The following MUC4 variants were observed in gnomAD, a reference collection of about 807,000 sequenced individuals.
MUC4 encodes the protein mucin-4.
A neutral mutation model predicts 257.9 loss-of-function variants in MUC4; 202 were observed. The observed-to-expected ratio is 0.78, with a 90% CI of 0.70 to 0.88. The LOEUF (loss-of-function observed/expected upper bound fraction) is 0.88, where lower values mean the gene tolerates loss of function less well. Among genes scored for constraint, MUC4 ranks in the 40% least tolerant of loss-of-function variants. The pLI is 0.00. For missense variants in MUC4, 5,976 were observed against 6,513.7 expected (o/e 0.92, Z 2.84); for synonymous variants, 2,351 against 2,757.1 (o/e 0.85, Z 4.62).
rs748432606 is a variant in MUC4, at chr3:195,757,433, C to A, written c.14987-105G>T. 1.2e-4 allele frequency: 127 copies of A among 1,041,960 alleles called. No individual in the cohort carries two copies. Among genetic ancestry groups the A allele is most frequent in the Non-Finnish European group, 1.7e-4 (120 of 721,300 alleles). The allele number at this position is 1,041,960 out of a possible 1,614,324, so 64.5% of individuals were successfully genotyped here. ...CCACCCCTCTCAGGCCACCCTCCCC[C>A]TCCCCAGACAAATCTCATTGGTCAT... On this transcript the variant is annotated intron_variant, in intron 17 of 24. Coordinates refer to ENST00000463781, the MANE Select transcript of MUC4 (RefSeq NM_018406.7). The surrounding 1 kb of genome is among the most constrained non-coding windows in gnomAD (Gnocchi z 4.8).
rs765817476 is a variant in MUC4, at chr3:195,785,564, T to G, written c.6016A>C (p.Thr2006Pro). 844 of 1,366,836 alleles carry G rather than the reference T, an allele frequency of 6.2e-4. 170 individuals carry two copies. In the African/African-American group the frequency reaches 0.019, roughly 31 times the overall value. 84.7% of individuals were successfully genotyped at this position (1,366,836 alleles called of 1,614,324 possible). ...GCCTGTCCTGTAGATACTGAGGAAG[T>G]GTCGGTGACCGGAAGAGGGGTGGCA... is the stretch of plus-strand genomic sequence containing the variant. ...GHATPLPVTD[T>P]SSVSTGQATP... The change falls in exon 2 of 25, where the codon ACT (threonine) becomes CCT (proline). Residue 2006 changes from threonine (T) to proline (P), a missense_variant. Physicochemically the swap from Thr to Pro is conservative, Grantham distance 38 (BLOSUM62 -1). Coordinates refer to ENST00000463781, the MANE Select transcript of MUC4 (RefSeq NM_018406.7).
At chr3:195,792,476 AAAC>A (rs1422230338) in intron 1 of MUC4, among the ~76,000 whole-genome samples, 1 of 152,238 alleles carries the variant, frequency 6.6e-6, no homozygotes, top group Non-Finnish European at 1.5e-5. Flanking sequence ...AAAAGTCAAG[AAAC>A]AGCAGATGCT....
intron 5 of MUC4, among the ~76,000 whole-genome samples, chr3:195,771,332 C>T (rs113976259): frequency 4.4e-5 from 6 of 137,918 alleles, no homozygotes; most frequent in African/African-American, 1.4e-4. Flanking sequence ...TGGTCAGTCT[C>T]GTGGTTGGGT....
At chr3:195,803,345 G>A (rs916401799) in intron 1 of MUC4, among the ~76,000 whole-genome samples, 1 of 152,226 alleles carries the variant, frequency 6.6e-6, no homozygotes, top group African/African-American at 2.4e-5. Context: ...ACTTTAAGTA[G>A]AAATCTGGCT....
chr3:195,754,364 G>T lies in MUC4; in HGVS notation c.15177C>A (p.Gly5059=). ...CGAAGGTGCCCCCGTCACACTTGCAGCCAGCCACCTGGAGGAGGGTTGCCG... is the reference window on the plus strand; with the variant it reads ...CGAAGGTGCCCCCGTCACACTTGCATCCAGCCACCTGGAGGAGGGTTGCCG... ...RVGNSSLEVA[G]CKCDGGTFGR... is the part of the protein sequence containing the mutation. The change falls in exon 19 of 25, where the codon GGC becomes GGA. Residue 5059 remains glycine (G), a synonymous_variant. Transcript: ENST00000463781. The T allele has an allele frequency of 1.2e-6, 2 of 1,607,790 alleles. No individual in the cohort carries two copies. The highest frequency in any genetic ancestry group is 1.7e-6 in the Non-Finnish European group (2 of 1,177,380).
rs201451131 is a variant in MUC4 at position 195,788,137 on chromosome 3, C to T, written c.3443G>A (p.Gly1148Asp). 6.5e-6 allele frequency: 6 copies of T among 923,530 alleles called. 1 individual carries two copies. The highest frequency in any genetic ancestry group is 7.1e-6 in the Non-Finnish European group (5 of 702,258). 57.2% of individuals were successfully genotyped at this position (923,530 alleles called of 1,614,324 possible). A position where few individuals can be genotyped will look rare whatever the true frequency, so the allele number is the denominator to read the frequency against. ...AGTGACATGAAGAGGGGTGGTGTGA[C>T]CTGTGGATACTGAGGAAGTGTCGGT... is the stretch of plus-strand genomic sequence containing the variant. Reference protein sequence around the residue: ...PVTDTSSVSTGHTTPLHVTDA... With the variant: ...PVTDTSSVSTDHTTPLHVTDA... The change falls in exon 2 of 25, where the codon GGT (glycine) becomes GAT (aspartate). Residue 1148 changes from glycine to aspartate, a missense_variant. By Grantham distance (94) the Gly-to-Asp change is moderately conservative. Coordinates refer to ENST00000463781, the MANE Select transcript of MUC4 (RefSeq NM_018406.7).
chr3:195,800,887 T>C (rs1735211214), intron 1 of MUC4, among the ~76,000 whole-genome samples: 1 of 112,134 alleles, frequency 8.9e-6, no homozygotes, highest in African/African-American at 3.7e-5. Flanking sequence ...AGACCCCTTC[T>C]CTGAAAAAAA....
chr3:195,751,083 G>C lies in MUC4; in HGVS notation c.15677C>G (p.Pro5226Arg), dbSNP rs1005936478. The C allele has an allele frequency of 5.6e-6, 9 of 1,612,162 alleles. No homozygotes were observed. Among genetic ancestry groups the C allele is most frequent in the Admixed American group, 5.0e-5 (3 of 59,868 alleles). Residue 5226 changes from proline (P) to arginine (R), a missense_variant, in exon 23 of 25, where the codon CCC (proline) becomes CGC (arginine). This residue lies in a region of MUC4 where 996 missense variants were observed against 1,137.3 expected (regional missense o/e 0.88). Coordinates refer to ENST00000463781, the MANE Select transcript of MUC4 (RefSeq NM_018406.7). ...IDSAAPASGS[P>R]IQHWMVISEF... ...CGAGATGACCATCCAGTGTTGGATG[G>C]GGCTTCCCGAGGCCGGTGCTGCAGA... is the stretch of plus-strand genomic sequence containing the variant.
chr3:195,765,908 G>A (rs1720360339), intron 8 of MUC4, among the ~76,000 whole-genome samples: 1 of 152,044 alleles, frequency 6.6e-6, no homozygotes, highest in Non-Finnish European at 1.5e-5. Context: ...CCAGCACACG[G>A]CAGGTGCCCA....
Position 195,789,753 on chromosome 3 carries a change from T to C in MUC4, c.1827A>G (p.Gln609=), listed in dbSNP as rs1419681147. 1.9e-6 allele frequency: 3 copies of C among 1,613,896 alleles called. No homozygotes were observed. The highest frequency in any genetic ancestry group is 2.5e-6 in the Non-Finnish European group (3 of 1,179,852). ...SPMLDRHTSQ[Q]ITTAPSTNHS... ...GATTTGTTGATGGTGCCGTTGTAAT[T>C]TGTTGGGATGTGTGTCTATCCAGCA... Residue 609 remains glutamine (Q), a synonymous_variant, in exon 2 of 25, where the codon CAA becomes CAG. Transcript: ENST00000463781.
At chr3:195,767,735 ACCATCACCATCG>A (rs1721484754) in intron 7 of MUC4, among the ~76,000 whole-genome samples, 1 of 16,550 alleles carries the variant, frequency 6.0e-5, no homozygotes, top group Non-Finnish European at 1.1e-4. Context: ...CATCACCACC[ACCATCACCATCG>A]CCACCACCAC....
chr3:195,759,325 C>T (rs1482643993), intron 16 of MUC4, 64 bp from the exon 17 acceptor site: 17 of 1,583,378 alleles, frequency 1.1e-5, no homozygotes, highest in Admixed American at 1.7e-5. Flanking sequence ...TCAGCCTCCT[C>T]TCTTTCTCAA....
At chr3:195,773,571 G>A (rs1433117051) in intron 4 of MUC4, among the ~76,000 whole-genome samples, 1 of 140,568 alleles carries the variant, frequency 7.1e-6, no homozygotes, top group African/African-American at 2.7e-5. Flanking sequence ...CAGCAGGTGT[G>A]GACACCCTCT....
chr3:195,760,015 C>A (rs2148792644), intron 16 of MUC4, among the ~76,000 whole-genome samples: 1 of 147,824 alleles, frequency 6.8e-6, no homozygotes, highest in East Asian at 2.0e-4. Context: ...CTTCACGGGT[C>A]TGTTTCTCGG....
chr3:195,789,404 G>A lies in MUC4; in HGVS notation c.2176C>T (p.Pro726Ser), dbSNP rs1348965227. ...TTGGAAAGTGACGTGCCTCCTGAGG[G>A]CCCCAGGGTGGCATCATGGCTGCTG... ...APSSHDATLG[P>S]SGGTSLSKTG... The change falls in exon 2 of 25, where the codon CCC (proline) becomes TCC (serine). Residue 726 changes from proline to serine, a missense_variant. Pro to Ser is a moderately conservative substitution (Grantham distance 74). Transcript: ENST00000463781. 1.2e-6 allele frequency: 2 copies of A among 1,613,830 alleles called. No individual in the cohort carries two copies. Among genetic ancestry groups the A allele is most frequent in the African/African-American group, 1.3e-5 (1 of 74,912 alleles).
intron 3 of MUC4, among the ~76,000 whole-genome samples, chr3:195,775,017 A>G (rs1404094209): frequency 1.3e-5 from 2 of 152,088 alleles, no homozygotes; most frequent in African/African-American, 2.4e-5. Flanking sequence ...ATAAACTTGA[A>G]GACTCCTCCA....
chr3:195,756,364 G>T (rs1577962611), intron 18 of MUC4, among the ~76,000 whole-genome samples: 1 of 152,214 alleles, frequency 6.6e-6, no homozygotes, highest in Admixed American at 6.5e-5. Context: ...ACCCCACACC[G>T]CAGGGCCCTC....
chr3:195,756,514 C>T (rs1479915369), intron 18 of MUC4, among the ~76,000 whole-genome samples: 1 of 146,404 alleles, frequency 6.8e-6, no homozygotes, highest in African/African-American at 2.5e-5. Flanking sequence ...TTCCTCTTTC[C>T]TTCCTTCCTT....
intron 7 of MUC4, among the ~76,000 whole-genome samples, chr3:195,767,731 C>T (rs1279130559): frequency 1.2e-3 from 21 of 17,964 alleles, no homozygotes; most frequent in Admixed American, 2.8e-3. Flanking sequence ...CCACCATCAC[C>T]ACCACCATCA....
Sources: allele counts gnomAD v4.1 joint callset (sites outside exome capture counted in the v4.1 genomes callset), GRCh38; gene constraint gnomAD v4.1.1; regional missense constraint gnomAD v4.1.1; non-coding constraint Gnocchi (gnomAD v3.1); transcripts MANE v1.5; gene names NCBI Gene and HGNC (gene_info 2026-07-23, HGNC 2026-07-21).